Variants in VPS16 observed in about 807,000 individuals in gnomAD.
VPS16 encodes VPS16 core subunit of CORVET and HOPS complexes.
A neutral mutation model predicts 116.0 loss-of-function variants in VPS16; 82 were observed. The ratio of observed to expected loss-of-function variants is 0.71; its 90% confidence interval spans 0.59 to 0.85. The LOEUF is 0.85. Among genes scored for constraint, VPS16 ranks in the 40% least tolerant of loss-of-function variants. The pLI, the probability that VPS16 is intolerant of heterozygous loss-of-function variation, is 0.00. For synonymous variants in VPS16, 406 were observed against 420.7 expected, an observed-to-expected ratio of 0.96 and a Z score of 0.43; for missense variants, 928 against 1,090.6, an observed-to-expected ratio of 0.85 and a Z score of 2.10.
In VPS16 at chr20:2,865,016, C is replaced by T. The variant is rs775964539; in HGVS notation, c.1965C>T (p.Ala655=). Residue 655 remains alanine, a synonymous_variant, in exon 20 of 24, where the codon GCC becomes GCT. Coordinates refer to ENST00000380445, the MANE Select transcript of VPS16 (RefSeq NM_022575.4). The surrounding 1 kb of genome is among the most constrained non-coding windows in gnomAD (Gnocchi z 5.2). The stretch of plus-strand genomic sequence containing the variant: ...GAGTAGCAGCTCTGCAGACAGCCGC[C>T]GATGCCTTCTACAAGGCCAAGAATG... ...EGRVAALQTA[A]DAFYKAKNEF... 54 of 1,614,028 alleles carry T rather than the reference C, an allele frequency of 3.3e-5. 1 individual carries two copies. Among genetic ancestry groups the T allele is most frequent in the South Asian group, 3.3e-5 (3 of 91,090 alleles).
At chr20:2,852,715 G>C (rs1485551472) in intron 1 of VPS16, among the ~76,000 whole-genome samples, 1 of 152,168 alleles carries the variant, frequency 6.6e-6, no homozygotes, top group Admixed American at 6.6e-5. Flanking sequence ...ACAAAAGTAC[G>C]TAACTTAAAA....
intron 1 of VPS16, 83 bp downstream of exon 1, chr20:2,840,910 G>A (rs1054622477): frequency 3.0e-6 from 4 of 1,338,138 alleles, no homozygotes; most frequent in East Asian, 2.7e-5. Context: ...GTTCGCCCCT[G>A]TCACTACTGG....
chr20:2,847,653 A>G (rs1001207020), intron 1 of VPS16, among the ~76,000 whole-genome samples: 1 of 151,604 alleles, frequency 6.6e-6, no homozygotes, highest in African/African-American at 2.4e-5. Context: ...TAATTTTTGT[A>G]TTTTTAGTAG....
In VPS16 at chr20:2,863,108, A is replaced by G. The variant is rs1305020484; in HGVS notation, c.1367+8A>G. On this transcript the variant is annotated splice_region_variant and intron_variant, in intron 14 of 23. Transcript: ENST00000380445. The surrounding 1 kb of genome is among the most constrained non-coding windows in gnomAD (Gnocchi z 4.4). ...CCAGGTGCTGCTGGACAGGTAGGGT[A>G]AGCCCAAGGGTGCAGTGAGCGGGCT... The G allele has an allele frequency of 6.2e-7, 1 of 1,613,812 alleles. No individual in the cohort carries two copies. Among genetic ancestry groups the G allele is most frequent in the Non-Finnish European group, 8.5e-7 (1 of 1,180,000 alleles).
intron 1 of VPS16, among the ~76,000 whole-genome samples, chr20:2,842,909 T>TATCGATAGATAGATAGATG (rs1428286703): frequency 3.0e-3 from 72 of 23,874 alleles, no homozygotes; most frequent in Non-Finnish European, 5.1e-3. Context: ...TAGATATATG[T>TATCGATAGATAGATAGATG]TATGGATTGC....
chr20:2,848,340 C>T (rs1185459910), intron 1 of VPS16, among the ~76,000 whole-genome samples: 1 of 152,158 alleles, frequency 6.6e-6, no homozygotes. Flanking sequence ...ACCTCTTGGG[C>T]TCAGGTGATC....
intron 11 of VPS16, 109 bp downstream of exon 11, chr20:2,862,239 A>C: frequency 7.5e-7 from 1 of 1,334,822 alleles, no homozygotes; most frequent in Non-Finnish European, 1.0e-6. Flanking sequence ...TCCAGGCAGG[A>C]CACTGGTCTG....
Position 2,861,053 on chromosome 20 carries a change from A to G in VPS16, c.714A>G (p.Thr238=), listed in dbSNP as rs746714433. 2 of 1,614,102 alleles carry G rather than the reference A, an allele frequency of 1.2e-6. No individual in the cohort carries two copies. Among genetic ancestry groups the G allele is most frequent in the East Asian group, 2.2e-5 (1 of 44,890 alleles). The change falls in exon 7 of 24, where the codon ACA becomes ACG. Residue 238 remains threonine, a synonymous_variant. Transcript: ENST00000380445. ...SFTYRHLALF[T]DTGYIWMGTA... ...CCTACCGACACCTGGCACTCTTCAC[A>G]GACACAGGCTACATCTGGATGGGGA... is the stretch of plus-strand genomic sequence containing the variant.
intron 1 of VPS16, among the ~76,000 whole-genome samples, chr20:2,846,999 C>A (rs944611677): frequency 6.6e-6 from 1 of 152,132 alleles, no homozygotes; most frequent in South Asian, 2.1e-4. Flanking sequence ...AGTGTGTGGC[C>A]TCTCTTCACA....
At chr20:2,847,813 G>A (rs903311773) in intron 1 of VPS16, among the ~76,000 whole-genome samples, 2 of 151,796 alleles carry the variant, frequency 1.3e-5, no homozygotes, top group South Asian at 4.2e-4. Flanking sequence ...TGTCTGCACC[G>A]ATACTCTAAT....
chr20:2,844,122 A>T, intron 1 of VPS16, among the ~76,000 whole-genome samples: 1 of 152,214 alleles, frequency 6.6e-6, no homozygotes. Context: ...CTCTGTTAAA[A>T]AATAGGGTTT....
At position 2,860,684 on chromosome 20, in the gene VPS16, G is replaced by T; in HGVS notation, c.515-64G>T. On this transcript the variant is annotated intron_variant, in intron 5 of 23. Coordinates refer to ENST00000380445, the MANE Select transcript of VPS16 (RefSeq NM_022575.4). This position sits in a 1 kb window ranked among gnomAD's most constrained non-coding sequence, Gnocchi z 6.1. ...CATAAAAACAGAAGCTGTGGCTAGA[G>T]ACCCATAGAAACAGAAACGGTGGGC... 1 of 1,611,088 alleles carries T rather than the reference G, an allele frequency of 6.2e-7. No individual in the cohort carries two copies.
Position 2,865,088 on chromosome 20 carries a change from TCTCCTGGTCTTCC to T in VPS16, c.2004+43_2005-38del, listed in dbSNP as rs745589229. 6.2e-7 allele frequency: 1 copy of T among 1,614,154 alleles called. No homozygotes were observed. Among genetic ancestry groups the T allele is most frequent in the Non-Finnish European group, 8.5e-7 (1 of 1,180,040 alleles). On this transcript the variant is annotated intron_variant, in intron 20 of 23. Coordinates refer to ENST00000380445, the MANE Select transcript of VPS16 (RefSeq NM_022575.4). The surrounding 1 kb of genome is among the most constrained non-coding windows in gnomAD (Gnocchi z 5.2). ...CCACCTTTTTCCAAGAGCCTCCTCGTCTCCTGGTCTTCCCTCCTGGTCCCTCATCCCCATCATG... is the reference window on the plus strand; with the variant it reads ...CCACCTTTTTCCAAGAGCCTCCTCGTCTCCTGGTCCCTCATCCCCATCATG...
chr20:2,862,309 TA>T lies in VPS16; in HGVS notation c.1071+180del. On this transcript the variant is annotated intron_variant, in intron 11 of 23. Coordinates refer to ENST00000380445, the MANE Select transcript of VPS16 (RefSeq NM_022575.4). ...ACACTATGTCCTCCATGTGGTGTGA[TA>T]GGGACGGGCAGAGCATCCCCACTAT... is the stretch of plus-strand genomic sequence containing the variant. 3.1e-6 allele frequency: 3 copies of T among 957,014 alleles called. No homozygotes were observed. In the South Asian group the frequency reaches 5.2e-5, roughly 17 times the overall value. The allele number at this position is 957,014 out of a possible 1,614,324, so 59.3% of individuals were successfully genotyped here.
intron 1 of VPS16, among the ~76,000 whole-genome samples, chr20:2,845,633 T>C (rs4637199): frequency 0.015 from 2,314 of 152,072 alleles, 81 homozygotes; most frequent in East Asian, 0.13. Context: ...ATATACATGA[T>C]ATAAAATTTA....
chr20:2,865,593 C>A lies in VPS16; in HGVS notation c.2271+98C>A. 9.1e-7 allele frequency: 1 copy of A among 1,097,862 alleles called. No individual in the cohort carries two copies. The highest frequency in any genetic ancestry group is 2.4e-5 in the Admixed American group (1 of 41,040). The allele number at this position is 1,097,862 out of a possible 1,614,324, so 68.0% of individuals were successfully genotyped here. A position where few individuals can be genotyped will look rare whatever the true frequency, so the allele number is the denominator to read the frequency against. ...CAGATAGGATGGCCCGTTCATGCTCCTGTTCAGCTGCCCGCATAGTTAGCG... is the reference window on the plus strand; with the variant it reads ...CAGATAGGATGGCCCGTTCATGCTCATGTTCAGCTGCCCGCATAGTTAGCG... On this transcript the variant is annotated intron_variant, in intron 22 of 23. Transcript: ENST00000380445. The surrounding 1 kb of genome is among the most constrained non-coding windows in gnomAD (Gnocchi z 5.2).
chr20:2,854,493 T>C (rs2089152947), intron 1 of VPS16, among the ~76,000 whole-genome samples: 2 of 151,758 alleles, frequency 1.3e-5, no homozygotes, highest in African/African-American at 4.8e-5. Flanking sequence ...GTATTTCTTA[T>C]ATAAGACTTG....
rs1310920748 is a variant in VPS16 at position 2,863,075 on chromosome 20, C to T, written c.1342C>T (p.Leu448Phe). The change falls in exon 14 of 24, where the codon CTC becomes TTC. Residue 448 changes from leucine to phenylalanine, a missense_variant. Leu to Phe is a conservative substitution (Grantham distance 22, BLOSUM62 0). Transcript: ENST00000380445. This position sits in a 1 kb window ranked among gnomAD's most constrained non-coding sequence, Gnocchi z 4.4. The part of the protein sequence containing the change: ...IPLTYSQYKQ[L>F]TIQVLLDRLV... Reference sequence around the variant, plus strand: ...CCGAGGAAAATACAGATATAAGCAGCTCACCATCCAGGTGCTGCTGGACAG... The same window carrying T: ...CCGAGGAAAATACAGATATAAGCAGTTCACCATCCAGGTGCTGCTGGACAG... The T allele has an allele frequency of 1.2e-6, 2 of 1,613,914 alleles. No individual in the cohort carries two copies. The highest frequency in any genetic ancestry group is 1.3e-5 in the African/African-American group (1 of 74,872).
At chr20:2,850,927 C>T (rs1399901748) in intron 1 of VPS16, among the ~76,000 whole-genome samples, 3 of 137,012 alleles carry the variant, frequency 2.2e-5, no homozygotes, top group East Asian at 2.2e-4. Context: ...GAGCCAATCA[C>T]ACCACTGCAC....
Sources: allele counts gnomAD v4.1 joint callset (sites outside exome capture counted in the v4.1 genomes callset), GRCh38; gene constraint gnomAD v4.1.1; non-coding constraint Gnocchi (gnomAD v3.1); transcripts MANE v1.5; gene names NCBI Gene and HGNC (gene_info 2026-07-23, HGNC 2026-07-21).